Variants in GALNT11 observed in about 807,000 individuals in gnomAD.
GALNT11 encodes the protein polypeptide N-acetylgalactosaminyltransferase 11.
In GALNT11, 47 loss-of-function variants were observed where a neutral mutation model predicts 72.7. That is an observed-to-expected ratio of 0.65 (90% CI 0.51 to 0.82). The LOEUF (loss-of-function observed/expected upper bound fraction) is 0.82, where lower values mean the gene tolerates loss of function less well. Ranked by LOEUF, GALNT11 falls within the 40% of genes least tolerant of loss-of-function variation. The pLI is 0.00. For synonymous variants in GALNT11, 270 were observed against 286.6 expected, an observed-to-expected ratio of 0.94 and a Z score of 0.58; for missense variants, 677 against 778.4, an observed-to-expected ratio of 0.87 and a Z score of 1.55.
chr7:152,043,204 G>T (rs2082951157), intron 1 of GALNT11, among the ~76,000 whole-genome samples: 1 of 152,190 alleles, frequency 6.6e-6, no homozygotes, highest in Non-Finnish European at 1.5e-5. Context: ...ATTGTAATCA[G>T]AATCAGTGAC....
At chr7:152,076,061 C>CAAAAAAAAA (rs71198757) in intron 1 of GALNT11, among the ~76,000 whole-genome samples, 2 of 71,314 alleles carry the variant, frequency 2.8e-5, no homozygotes, top group Non-Finnish European at 4.6e-5. Flanking sequence ...GACTCCGTCT[C>CAAAAAAAAA]AAAAAAAAAA....
At chr7:152,118,432 G>C (rs776040804) in intron 9 of GALNT11, 1 of 427,114 alleles carries the variant, frequency 2.3e-6, no homozygotes, top group Non-Finnish European at 4.1e-6. Flanking sequence ...TATGTAGCTA[G>C]AATTCCTAGC....
Position 152,121,787 on chromosome 7 carries a change from G to A in GALNT11, c.*110G>A. On this transcript the variant is annotated 3_prime_UTR_variant, in exon 12 of 12. Coordinates refer to ENST00000430044, the MANE Select transcript of GALNT11 (RefSeq NM_022087.4). The stretch of plus-strand genomic sequence containing the variant: ...GGAGCAGAACCATCTTGGAGAAGAT[G>A]ACAGTTCCCTGTCCTCCCGGAGATG... The A allele has an allele frequency of 3.6e-6, 5 of 1,386,270 alleles. No homozygotes were observed. Among genetic ancestry groups the A allele is most frequent in the Non-Finnish European group, 4.9e-6 (5 of 1,020,542 alleles). The allele number at this position is 1,386,270 out of a possible 1,614,324, so 85.9% of individuals were successfully genotyped here. A position where few individuals can be genotyped will look rare whatever the true frequency, so the allele number is the denominator to read the frequency against.
At chr7:152,064,981 T>G (rs998631263) in intron 1 of GALNT11, among the ~76,000 whole-genome samples, 1 of 152,212 alleles carries the variant, frequency 6.6e-6, no homozygotes, top group Non-Finnish European at 1.5e-5. Flanking sequence ...CTGTATTTCC[T>G]GAATTTGAAT....
chr7:152,085,432 G>GT (rs1342436206), intron 1 of GALNT11, among the ~76,000 whole-genome samples: 1 of 152,122 alleles, frequency 6.6e-6, no homozygotes, highest in Non-Finnish European at 1.5e-5. Flanking sequence ...GTCACTAGTT[G>GT]TTTTGCCTTA....
At chr7:152,113,178 G>T in intron 7 of GALNT11, 68 bp from the exon 8 acceptor site, 1 of 1,482,746 alleles carries the variant, frequency 6.7e-7, no homozygotes. Flanking sequence ...TAATTTCATT[G>T]AAAATTCATA....
intron 1 of GALNT11, among the ~76,000 whole-genome samples, chr7:152,090,890 C>A (rs2129034223): frequency 6.6e-6 from 1 of 152,122 alleles, no homozygotes; most frequent in Non-Finnish European, 1.5e-5. Context: ...GGAAGTAAAG[C>A]CATTATGGGG....
chr7:152,071,449 A>C (rs562284321), intron 1 of GALNT11, among the ~76,000 whole-genome samples: 1 of 152,320 alleles, frequency 6.6e-6, no homozygotes, highest in African/African-American at 2.4e-5. Flanking sequence ...GTTTAAGGTT[A>C]TCTCTCTTAT....
At chr7:152,059,446 A>T (rs2083881169) in intron 1 of GALNT11, among the ~76,000 whole-genome samples, 1 of 152,136 alleles carries the variant, frequency 6.6e-6, no homozygotes, top group Admixed American at 6.5e-5. Flanking sequence ...CTTTTCCAGA[A>T]AGTTTTCAAT....
At chr7:152,061,241 T>C (rs1563052225) in intron 1 of GALNT11, among the ~76,000 whole-genome samples, 1 of 152,264 alleles carries the variant, frequency 6.6e-6, no homozygotes, top group Non-Finnish European at 1.5e-5. Context: ...TGAGCATTTT[T>C]TCATGTGTCT....
At chr7:152,032,296 A>G (rs1286583365) in intron 1 of GALNT11, among the ~76,000 whole-genome samples, 2 of 152,182 alleles carry the variant, frequency 1.3e-5, no homozygotes, top group African/African-American at 2.4e-5. Flanking sequence ...GGTCTGTGGG[A>G]TCCTCAAAGG....
Position 152,084,380 on chromosome 7 carries a change from TAAAAAAA to T in GALNT11, c.-38-9792_-38-9786del, listed in dbSNP as rs11447244. Among the ~76,000 whole-genome samples, 13 of 105,338 alleles carry T rather than the reference TAAAAAAA, an allele frequency of 1.2e-4. No homozygotes were observed. In the South Asian group the frequency reaches 2.1e-3, roughly 17 times the overall value. 69.1% of individuals were successfully genotyped at this position (105,338 alleles called of 152,430 possible). ...GCAACAGAGGGAGACCCTGTCTCTT[TAAAAAAA>T]AAAAAAAAAAAAAAAAACTTTTACA... On this transcript the variant is annotated intron_variant, in intron 1 of 11. Transcript: ENST00000430044.
chr7:152,075,755 T>C (rs113812416), intron 1 of GALNT11, among the ~76,000 whole-genome samples: 1 of 149,880 alleles, frequency 6.7e-6, no homozygotes, highest in Non-Finnish European at 1.5e-5. Context: ...GAGATTGCGC[T>C]GTTGCACTCC....
intron 1 of GALNT11, among the ~76,000 whole-genome samples, chr7:152,028,856 T>C (rs2151976524): frequency 6.6e-6 from 1 of 152,180 alleles, no homozygotes. Flanking sequence ...CTGGTAGAAG[T>C]TTAGTTGAGC....
At position 152,120,943 on chromosome 7, in the gene GALNT11, G is replaced by A. The variant is rs1203680349; in HGVS notation, c.1670G>A (p.Gly557Glu). 4 of 1,614,124 alleles carry A rather than the reference G, an allele frequency of 2.5e-6. No homozygotes were observed. In the South Asian group the frequency reaches 4.4e-5, roughly 18 times the overall value. Residue 557 changes from glycine to glutamate, a missense_variant, in exon 11 of 12, where the codon GGA (glycine) becomes GAA (glutamate). By Grantham distance (98) the Gly-to-Glu change is moderately conservative. Coordinates refer to ENST00000430044, the MANE Select transcript of GALNT11 (RefSeq NM_022087.4). ...CGGCTCATGAAATGCCACGGGTCAGGAGGATCCCAGCAGTGGACCTTTGGG... is the reference window on the plus strand; with the variant it reads ...CGGCTCATGAAATGCCACGGGTCAGAAGGATCCCAGCAGTGGACCTTTGGG... ...PPRLMKCHGSGGSQQWTFGKN... is the reference protein window; with the variant it reads ...PPRLMKCHGSEGSQQWTFGKN...
At chr7:152,066,144 C>G (rs2084296225) in intron 1 of GALNT11, among the ~76,000 whole-genome samples, 1 of 152,206 alleles carries the variant, frequency 6.6e-6, no homozygotes, top group Admixed American at 6.5e-5. Flanking sequence ...ATGGCGGGCA[C>G]CCCTCCCCCA....
At chr7:152,111,914 G>A (rs2088261212) in intron 7 of GALNT11, among the ~76,000 whole-genome samples, 1 of 152,216 alleles carries the variant, frequency 6.6e-6, no homozygotes, top group South Asian at 2.1e-4. Context: ...ATCACCCCAT[G>A]TATAGCTTAC....
At chr7:152,032,506 C>T (rs981238654) in intron 1 of GALNT11, among the ~76,000 whole-genome samples, 6 of 152,196 alleles carry the variant, frequency 3.9e-5, no homozygotes, top group Non-Finnish European at 7.3e-5. Context: ...ACTGACCGTT[C>T]GGTTTTTGTA....
intron 1 of GALNT11, among the ~76,000 whole-genome samples, chr7:152,043,549 A>T (rs1586964316): frequency 6.6e-6 from 1 of 152,006 alleles, no homozygotes; most frequent in Non-Finnish European, 1.5e-5. Context: ...TGGGGGGTGT[A>T]CTCTAACAGG....
Sources: gnomAD v4.1 joint callset for allele counts (sites outside exome capture counted in the v4.1 genomes callset) on GRCh38, gnomAD v4.1.1 for gene constraint, MANE v1.5 for transcripts, NCBI Gene and HGNC (gene_info 2026-07-23, HGNC 2026-07-21) for gene names.